The following SSH2 variants were observed in gnomAD, a reference collection of about 807,000 sequenced individuals.
The protein encoded by SSH2 is slingshot protein phosphatase 2.
Under a neutral mutation model 135.2 loss-of-function variants are expected in SSH2, and 37 were observed. That is an observed-to-expected ratio of 0.27 (90% CI 0.21 to 0.36). The LOEUF is 0.36. Ranked by LOEUF, SSH2 falls within the 10% of genes least tolerant of loss-of-function variation. The pLI is 1.00. For missense variants in SSH2, 1,408 were observed against 1,765.3 expected, an observed-to-expected ratio of 0.80 and a Z score of 3.63; for synonymous variants, 628 against 646.2, an observed-to-expected ratio of 0.97 and a Z score of 0.43.
chr17:29,672,332 A>G (rs1221168694), intron 8 of SSH2, among the ~76,000 whole-genome samples: 6 of 152,216 alleles, frequency 3.9e-5, no homozygotes, highest in Admixed American at 3.9e-4. Flanking sequence ...GCTGAAAGAT[A>G]TGATGCATCA....
intron 2 of SSH2, among the ~76,000 whole-genome samples, chr17:29,804,945 C>T (rs992318416): frequency 2.0e-5 from 3 of 148,074 alleles, no homozygotes; most frequent in Non-Finnish European, 3.0e-5. Context: ...CCTCCCACCT[C>T]GGCCTGCCAA....
Position 29,635,687 on chromosome 17 carries a change from T to C in SSH2, c.2262+281A>G, listed in dbSNP as rs9901532. Among the ~76,000 whole-genome samples the C allele has an allele frequency of 9.8e-3, 1,487 of 151,800 alleles. 34 individuals carry two copies. Among genetic ancestry groups the C allele is most frequent in the Admixed American group, 0.053 (812 of 15,266 alleles). On this transcript the variant is annotated intron_variant, in intron 15 of 15. Transcript: ENST00000540801. ...CCTCCCAAAGTGCTGGGATTACAGG[T>C]GTGAGCCACCGCGCCTGGTCATCTT...
Sources: gnomAD v4.1 joint callset for allele counts (sites outside exome capture counted in the v4.1 genomes callset) on GRCh38, gnomAD v4.1.1 for gene constraint, MANE v1.5 for transcripts, NCBI Gene and HGNC (gene_info 2026-07-23, HGNC 2026-07-21) for gene names.